The following MPP7 variants were observed in gnomAD, a reference collection of about 807,000 sequenced individuals.
MPP7 encodes MAGUK p55 scaffold protein 7.
MPP7 carries 60 observed loss-of-function variants against 76.5 expected under a neutral mutation model. The observed-to-expected ratio is 0.78, with a 90% CI of 0.64 to 0.97. The LOEUF (loss-of-function observed/expected upper bound fraction) is 0.97, where lower values mean the gene tolerates loss of function less well. MPP7 is among the 50% of genes least tolerant of loss of function. The pLI, the probability that MPP7 is intolerant of heterozygous loss-of-function variation, is 0.00. For missense variants in MPP7, 641 were observed against 694.0 expected (o/e 0.92, Z 0.86); for synonymous variants, 237 against 244.5 (o/e 0.97, Z 0.29).
In MPP7 at chr10:28,274,278, A is replaced by G. The variant is rs1840422997; in HGVS notation, c.-132+28583T>C. Among the ~76,000 whole-genome samples, 2 of 149,970 alleles carry G rather than the reference A, an allele frequency of 1.3e-5. 1 individual carries two copies. Among genetic ancestry groups the G allele is most frequent in the South Asian group, 4.3e-4 (2 of 4,680 alleles). ...CCACCACGCCCGGCTAATTTTTTGT[A>G]TTTTTAGTAGAGACGGGGTTTCACC... On this transcript the variant is annotated intron_variant, in intron 1 of 16. Coordinates refer to ENST00000683449, the MANE Select transcript of MPP7 (RefSeq NM_001318170.2).
chr10:28,245,889 C>T (rs1052608337), intron 1 of MPP7, among the ~76,000 whole-genome samples: 1 of 136,534 alleles, frequency 7.3e-6, no homozygotes, highest in Admixed American at 7.4e-5. Context: ...CTTGATCAAG[C>T]AGAAAAAAAA....
chr10:28,177,735 A>G (rs1469706628), intron 3 of MPP7, among the ~76,000 whole-genome samples: 1 of 152,206 alleles, frequency 6.6e-6, no homozygotes, highest in Admixed American at 6.5e-5. Flanking sequence ...AAGACTAGAG[A>G]GTTCAAAAAT....
In MPP7 at chr10:28,147,488, C is replaced by A. The variant is rs1835746439; in HGVS notation, c.310G>T (p.Val104Leu). 2 of 1,613,442 alleles carry A rather than the reference C, an allele frequency of 1.2e-6. No homozygotes were observed. The highest frequency in any genetic ancestry group is 1.3e-5 in the African/African-American group (1 of 75,044). Reference sequence around the variant, plus strand: ...CCGGCGTAACATGTCCTCACCTTCACATTGGGTTTTGACAGTAGTTTCAAC... The same window carrying A: ...CCGGCGTAACATGTCCTCACCTTCAAATTGGGTTTTGACAGTAGTTTCAAC... ...ELLKLLSKPN[V>L]KALLSVHDTV... is the part of the protein sequence containing the mutation. Residue 104 changes from valine (V) to leucine (L), a missense_variant, in exon 5 of 17, where the codon GTG becomes TTG. Val to Leu is a conservative substitution (Grantham distance 32, BLOSUM62 1). Transcript: ENST00000683449.
At chr10:28,219,429 T>C (rs1245021969) in intron 2 of MPP7, among the ~76,000 whole-genome samples, 1 of 152,156 alleles carries the variant, frequency 6.6e-6, no homozygotes, top group African/African-American at 2.4e-5. Flanking sequence ...ATGCTCAACA[T>C]TCCTGACATC....
intron 5 of MPP7, among the ~76,000 whole-genome samples, chr10:28,134,686 A>G (rs1373479936): frequency 1.3e-5 from 2 of 152,146 alleles, no homozygotes; most frequent in Non-Finnish European, 2.9e-5. Flanking sequence ...AGCCTGATAT[A>G]TCCTTTAGGA....
rs544471467 is a variant in MPP7, at chr10:28,068,824, T to C, written c.1204+948A>G. On this transcript the variant is annotated intron_variant, in intron 13 of 16. Coordinates refer to ENST00000683449, the MANE Select transcript of MPP7 (RefSeq NM_001318170.2). ...TTTAGGAAACAGAATTGTTAGACTT[T>C]TATTTAGAAGAAAATTTGTAAGTAA... 8.5e-5 allele frequency among the ~76,000 whole-genome samples: 13 copies of C among 152,368 alleles called. No individual in the cohort carries two copies. In the South Asian group the frequency reaches 2.7e-3, roughly 32 times the overall value.
intron 3 of MPP7, among the ~76,000 whole-genome samples, chr10:28,165,223 A>T (rs2801845): frequency 0.91 from 138,353 of 152,194 alleles, 62,942 homozygotes; most frequent in South Asian, 0.95. Flanking sequence ...TTTGCAGATG[A>T]CTCTTTAAAA....
intron 1 of MPP7, among the ~76,000 whole-genome samples, chr10:28,249,404 C>A (rs1408910809): frequency 6.6e-6 from 1 of 152,166 alleles, no homozygotes; most frequent in East Asian, 1.9e-4. Context: ...GCCTGACCAA[C>A]ATGGCGAAAC....
chr10:28,301,489 C>T (rs541498918), intron 1 of MPP7, among the ~76,000 whole-genome samples: 3 of 152,154 alleles, frequency 2.0e-5, no homozygotes, highest in African/African-American at 7.2e-5. Flanking sequence ...GATAATATTT[C>T]TTTACTTGAA....
intron 11 of MPP7, among the ~76,000 whole-genome samples, chr10:28,111,916 T>C (rs893004188): frequency 2.6e-5 from 4 of 151,874 alleles, no homozygotes; most frequent in Non-Finnish European, 5.9e-5. Flanking sequence ...CAAATAGGAG[T>C]GATCAGAACA....
chr10:28,134,028 C>T (rs75837671), intron 5 of MPP7, among the ~76,000 whole-genome samples: 3 of 152,020 alleles, frequency 2.0e-5, no homozygotes, highest in African/African-American at 7.2e-5. Flanking sequence ...TGTTTCATAT[C>T]TTTTGATGCA....
chr10:28,089,625 T>C (rs190876690), intron 12 of MPP7, 46 bp downstream of exon 12: 3 of 1,548,210 alleles, frequency 1.9e-6, no homozygotes, highest in Admixed American at 3.6e-5. Context: ...AAATTCTTAC[T>C]AGCTCACTCA....
intron 1 of MPP7, among the ~76,000 whole-genome samples, chr10:28,285,018 TA>T (rs1840761033): frequency 6.6e-6 from 1 of 152,234 alleles, no homozygotes; most frequent in Admixed American, 6.5e-5. Flanking sequence ...GATTTGCTTC[TA>T]AAAACCAGAC....
At chr10:28,127,530 T>C (rs1353428708) in intron 6 of MPP7, among the ~76,000 whole-genome samples, 1 of 152,046 alleles carries the variant, frequency 6.6e-6, no homozygotes, top group East Asian at 1.9e-4. Flanking sequence ...GAGGAGCAAA[T>C]CACATTTTAC....
chr10:28,060,844 T>C (rs1464916456), intron 13 of MPP7, among the ~76,000 whole-genome samples: 1 of 152,230 alleles, frequency 6.6e-6, no homozygotes, highest in African/African-American at 2.4e-5. Context: ...GCAAAGGCCT[T>C]ATGAACTGAG....
chr10:28,311,659 G>A (rs965028994), intron 2 of MPP7, among the ~76,000 whole-genome samples: 2 of 152,016 alleles, frequency 1.3e-5, no homozygotes, highest in African/African-American at 4.8e-5. Flanking sequence ...GAGGTAGGAG[G>A]ATTGCTTGAA....
intron 2 of MPP7, among the ~76,000 whole-genome samples, chr10:28,211,236 C>A (rs1487981647): frequency 6.6e-6 from 1 of 152,050 alleles, no homozygotes; most frequent in Non-Finnish European, 1.5e-5. Flanking sequence ...GTAGCTGGGA[C>A]TACAGGAGTA....
chr10:28,168,407 G>T (rs1246493768), intron 3 of MPP7, among the ~76,000 whole-genome samples: 1 of 152,046 alleles, frequency 6.6e-6, no homozygotes, highest in Non-Finnish European at 1.5e-5. Flanking sequence ...ATTACGGCTA[G>T]TTTTTTCACT....
At chr10:28,232,936 C>T (rs947027727) in intron 2 of MPP7, among the ~76,000 whole-genome samples, 3 of 151,960 alleles carry the variant, frequency 2.0e-5, no homozygotes, top group Non-Finnish European at 4.4e-5. Flanking sequence ...CATTTCTGTA[C>T]CTATATTATA....
Sources: gnomAD v4.1 joint callset for allele counts (sites outside exome capture counted in the v4.1 genomes callset) on GRCh38, gnomAD v4.1.1 for gene constraint, MANE v1.5 for transcripts, NCBI Gene and HGNC (gene_info 2026-07-23, HGNC 2026-07-21) for gene names.